SLC5A3: variants seen among roughly 807,000 people sequenced by gnomAD.
SLC5A3 encodes sodium/myo-inositol cotransporter.
SLC5A3 carries 10 observed loss-of-function variants against 43.2 expected under a neutral mutation model. The ratio of observed to expected loss-of-function variants is 0.23; its 90% CI spans 0.14 to 0.39. The LOEUF (loss-of-function observed/expected upper bound fraction) is 0.39. Ranked by LOEUF, SLC5A3 falls within the 10% of genes least tolerant of loss-of-function variation. The pLI, the probability that SLC5A3 is intolerant of heterozygous loss-of-function variation, is 1.00. For missense variants in SLC5A3, 608 were observed against 893.4 expected (o/e 0.68, Z 4.07); for synonymous variants, 349 against 322.0 (o/e 1.08, Z -0.90).
chr21:34,093,051 C>A (rs1978785760), intron 1 of SLC5A3, among the ~76,000 whole-genome samples: 1 of 152,094 alleles, frequency 6.6e-6, no homozygotes. Context: ...TTAACGATAC[C>A]TTTTTAAATA....
chr21:34,091,489 T>C (rs573489890), intron 1 of SLC5A3, among the ~76,000 whole-genome samples: 65 of 152,328 alleles, frequency 4.3e-4, no homozygotes, highest in African/African-American at 1.6e-3. Context: ...TCATGATAAC[T>C]AATTACATTT....
intron 1 of SLC5A3, among the ~76,000 whole-genome samples, chr21:34,088,630 A>G (rs1978519326): frequency 1.3e-5 from 2 of 152,342 alleles, no homozygotes; most frequent in African/African-American, 2.4e-5. Context: ...CACTGAAGGT[A>G]GTATTGCATA....
chr21:34,086,301 A>G (rs148461249), intron 1 of SLC5A3, among the ~76,000 whole-genome samples: 116 of 152,232 alleles, frequency 7.6e-4, no homozygotes, highest in Admixed American at 1.8e-3. Context: ...TTTTAGAGAA[A>G]AGATTAATTC....
At position 34,100,682 on chromosome 21, in the gene SLC5A3, T is replaced by C. The variant is rs1015626660; in HGVS notation, c.*3327T>C. ...AAGAACTGAGTTGAGGGGGTTGTTA[T>C]GCACTTCTGTAACTTGAGGCTAAGC... On this transcript the variant is annotated 3_prime_UTR_variant, in exon 2 of 2. Transcript: ENST00000381151. 4 of 1,000,132 alleles carry C rather than the reference T, an allele frequency of 4.0e-6. No homozygotes were observed. The highest frequency in any genetic ancestry group is 1.1e-4 in the East Asian group (1 of 8,836). The allele number at this position is 1,000,132 out of a possible 1,614,324, so 62.0% of individuals were successfully genotyped here.
chr21:34,083,163 T>C (rs2148654155), intron 1 of SLC5A3, among the ~76,000 whole-genome samples: 1 of 152,348 alleles, frequency 6.6e-6, no homozygotes, highest in Admixed American at 6.5e-5. Context: ...AGAAACCAAG[T>C]GCAGTTATGG....
chr21:34,078,333 G>C (rs1477061465), intron 1 of SLC5A3, among the ~76,000 whole-genome samples: 1 of 152,152 alleles, frequency 6.6e-6, no homozygotes, highest in Admixed American at 6.5e-5. Context: ...TATTGCCGCA[G>C]CAAGCTATTG....
In SLC5A3 at chr21:34,103,912, C is replaced by T; in HGVS notation, c.*6557C>T. The T allele has an allele frequency of 1.0e-6, 1 of 1,000,084 alleles. No homozygotes were observed. Among genetic ancestry groups the T allele is most frequent in the Non-Finnish European group, 1.2e-6 (1 of 829,930 alleles). The allele number at this position is 1,000,084 out of a possible 1,614,324, so 62.0% of individuals were successfully genotyped here. On this transcript the variant is annotated 3_prime_UTR_variant, in exon 2 of 2. Transcript: ENST00000381151. ...AAACTGGAGAAATAGGGACAGATGT[C>T]TAGGTTTTTGGTGGGTGGAACAGGT...
Position 34,101,228 on chromosome 21 carries a change from T to G in SLC5A3, c.*3873T>G. ...TAGCTTAAAATCTGCATATGTAGAA[T>G]CATTTTCATTAGATTTAGAGCTTGA... On this transcript the variant is annotated 3_prime_UTR_variant, in exon 2 of 2. Coordinates refer to ENST00000381151, the MANE Select transcript of SLC5A3 (RefSeq NM_006933.7). 8 of 1,000,154 alleles carry G rather than the reference T, an allele frequency of 8.0e-6. No homozygotes were observed. The highest frequency in any genetic ancestry group is 9.6e-6 in the Non-Finnish European group (8 of 829,914). The allele number at this position is 1,000,154 out of a possible 1,614,324, so 62.0% of individuals were successfully genotyped here.
At chr21:34,091,753 C>G (rs1978706041) in intron 1 of SLC5A3, among the ~76,000 whole-genome samples, 1 of 152,194 alleles carries the variant, frequency 6.6e-6, no homozygotes, top group African/African-American at 2.4e-5. Context: ...GGAATCTGCT[C>G]TGTTTCAAAG....
At chr21:34,074,709 T>C (rs1989283238) in intron 1 of SLC5A3, among the ~76,000 whole-genome samples, 1 of 152,182 alleles carries the variant, frequency 6.6e-6, no homozygotes, top group African/African-American at 2.4e-5. Context: ...AAAACAAAAA[T>C]CATTGTACCA....
Position 34,105,129 on chromosome 21 carries a change from T to TGGTATG in SLC5A3, c.*7776_*7781dup, listed in dbSNP as rs1331993497. The TGGTATG allele has an allele frequency of 1.0e-6, 1 of 1,000,116 alleles. No individual in the cohort carries two copies. The highest frequency in any genetic ancestry group is 1.2e-6 in the Non-Finnish European group (1 of 829,960). The allele number at this position is 1,000,116 out of a possible 1,614,324, so 62.0% of individuals were successfully genotyped here. On this transcript the variant is annotated 3_prime_UTR_variant, in exon 2 of 2. Coordinates refer to ENST00000381151, the MANE Select transcript of SLC5A3 (RefSeq NM_006933.7). Reference sequence around the variant, plus strand: ...GCCATACTCCATTAGTGTCAGATGATGGTATGGAATTTGTTCCCTTGCTTT... The same window carrying TGGTATG: ...GCCATACTCCATTAGTGTCAGATGATGGTATGGGTATGGAATTTGTTCCCTTGCTTT...
In SLC5A3 at chr21:34,095,241, CTG is replaced by C; in HGVS notation, c.45_46del (p.Tyr16PhefsTer16). The C allele has an allele frequency of 6.2e-7, 1 of 1,613,704 alleles. No homozygotes were observed. The highest frequency in any genetic ancestry group is 8.5e-7 in the Non-Finnish European group (1 of 1,179,730). ...CACAGCAGACATTGCCATAGTGGCC[CTG>C]TATTTTATCCTGGTCATGTGCATTG... is the stretch of plus-strand genomic sequence containing the variant. ...LDTADIAIVALYFILVMCIGF... is the reference protein window; with the variant it reads ...LDTADIAIVAXYFILVMCIGF... On this transcript the variant is annotated frameshift_variant, in exon 2 of 2. Coordinates refer to ENST00000381151, the MANE Select transcript of SLC5A3 (RefSeq NM_006933.7). LOFTEE classifies it high-confidence loss of function.
intron 1 of SLC5A3, among the ~76,000 whole-genome samples, chr21:34,093,298 A>G (rs1978802919): frequency 1.3e-5 from 2 of 150,264 alleles, no homozygotes; most frequent in Admixed American, 1.3e-4. Context: ...AGCCGTTGAC[A>G]CTTAGAAAGG....
Position 34,097,415 on chromosome 21 carries a change from A to AT in SLC5A3, c.*60_*61insT. On this transcript the variant is annotated 3_prime_UTR_variant, in exon 2 of 2. Coordinates refer to ENST00000381151, the MANE Select transcript of SLC5A3 (RefSeq NM_006933.7). ...ATACTGACTGGTCTTTGGGGAAAAA[A>AT]GTTATGTAACTGTGCATCTCTCAGG... is the stretch of plus-strand genomic sequence containing the variant. 1.5e-6 allele frequency: 2 copies of AT among 1,358,250 alleles called. No individual in the cohort carries two copies. Among genetic ancestry groups the AT allele is most frequent in the Non-Finnish European group, 1.9e-6 (2 of 1,064,284 alleles). The allele number at this position is 1,358,250 out of a possible 1,614,324, so 84.1% of individuals were successfully genotyped here. A position where few individuals can be genotyped will look rare whatever the true frequency, so the allele number is the denominator to read the frequency against.
In SLC5A3 at chr21:34,105,396, A is replaced by G. The variant is rs1979432441; in HGVS notation, c.*8041A>G. 1 of 999,246 alleles carries G rather than the reference A, an allele frequency of 1.0e-6. No individual in the cohort carries two copies. Among genetic ancestry groups the G allele is most frequent in the Non-Finnish European group, 1.2e-6 (1 of 829,174 alleles). The allele number at this position is 999,246 out of a possible 1,614,324, so 61.9% of individuals were successfully genotyped here. On this transcript the variant is annotated 3_prime_UTR_variant, in exon 2 of 2. Transcript: ENST00000381151. ...CAAGAAGAAAACCAATTCTTTTTCT[A>G]ATAATATCCTGTGAAATTGCTTCAT...
chr21:34,092,072 G>A (rs1363727980), intron 1 of SLC5A3, among the ~76,000 whole-genome samples: 1 of 152,004 alleles, frequency 6.6e-6, no homozygotes, highest in Non-Finnish European at 1.5e-5. Context: ...ACCCTGGACA[G>A]TGCTCATTGT....
At chr21:34,094,015 CAT>C (rs1294134550) in intron 1 of SLC5A3, among the ~76,000 whole-genome samples, 4 of 152,168 alleles carry the variant, frequency 2.6e-5, no homozygotes, top group Admixed American at 6.5e-5. Context: ...AAAAGGAAAA[CAT>C]AAAATCACGC....
chr21:34,075,691 A>G (rs1440706722), intron 1 of SLC5A3, among the ~76,000 whole-genome samples: 2 of 152,226 alleles, frequency 1.3e-5, no homozygotes, highest in Non-Finnish European at 2.9e-5. Context: ...CTTGACCTAA[A>G]TAAAGTAATA....
intron 1 of SLC5A3, among the ~76,000 whole-genome samples, chr21:34,088,668 A>T (rs1307278959): frequency 6.6e-6 from 1 of 152,232 alleles, no homozygotes; most frequent in Non-Finnish European, 1.5e-5. Flanking sequence ...CTGTTTAGAC[A>T]TATAGATGTG....
Sources: gnomAD v4.1 joint callset for allele counts (sites outside exome capture counted in the v4.1 genomes callset) on GRCh38, gnomAD v4.1.1 for gene constraint, MANE v1.5 for transcripts, NCBI Gene and HGNC (gene_info 2026-07-23, HGNC 2026-07-21) for gene names.